SPATA17: variants seen among roughly 807,000 people sequenced by gnomAD.
The protein encoded by SPATA17 is spermatogenesis associated 17, also known as spermatogenesis-associated protein 17.
A neutral mutation model predicts 62.2 loss-of-function variants in SPATA17; 53 were observed. The ratio of observed to expected loss-of-function variants is 0.85; its 90% CI spans 0.68 to 1.07. The LOEUF (loss-of-function observed/expected upper bound fraction) is 1.07. Ranked by LOEUF, SPATA17 falls within the 50% of genes least tolerant of loss-of-function variation. The pLI is 0.00. For missense variants in SPATA17, 466 were observed against 425.5 expected, an observed-to-expected ratio of 1.10 and a Z score of -0.84; for synonymous variants, 146 against 146.8, an observed-to-expected ratio of 0.99 and a Z score of 0.04.
At chr1:217,706,989 C>A (rs1671752225) in intron 5 of SPATA17, among the ~76,000 whole-genome samples, 1 of 152,012 alleles carries the variant, frequency 6.6e-6, no homozygotes, top group African/African-American at 2.4e-5. Flanking sequence ...GCCTCAGACT[C>A]CCAAATAGCT....
chr1:217,711,360 G>T (rs1671858622), intron 5 of SPATA17, among the ~76,000 whole-genome samples: 1 of 152,062 alleles, frequency 6.6e-6, no homozygotes, highest in South Asian at 2.1e-4. Context: ...TCACGTACAA[G>T]TTTTTATGTT....
intron 6 of SPATA17, among the ~76,000 whole-genome samples, chr1:217,766,999 A>G (rs1445802562): frequency 6.6e-6 from 1 of 152,030 alleles, no homozygotes; most frequent in East Asian, 1.9e-4. Flanking sequence ...ACACTGTGAT[A>G]TTTCATTTTC....
intron 8 of SPATA17, among the ~76,000 whole-genome samples, chr1:217,798,300 C>T (rs532754487): frequency 7.2e-5 from 11 of 152,090 alleles, no homozygotes; most frequent in African/African-American, 2.6e-4. Flanking sequence ...ATTCATAAGA[C>T]CTTATTTGCT....
intron 9 of SPATA17, among the ~76,000 whole-genome samples, chr1:217,839,874 G>T (rs923887490): frequency 6.6e-6 from 1 of 151,986 alleles, no homozygotes; most frequent in African/African-American, 2.4e-5. Flanking sequence ...ATTTTATGAT[G>T]TCCACATTTT....
At chr1:217,839,661 G>A (rs898673243) in intron 9 of SPATA17, among the ~76,000 whole-genome samples, 2 of 151,218 alleles carry the variant, frequency 1.3e-5, no homozygotes, top group African/African-American at 4.9e-5. Context: ...TTGATACACT[G>A]TTTCAATCTT....
At chr1:217,717,106 G>A (rs192963067) in intron 5 of SPATA17, among the ~76,000 whole-genome samples, 3 of 152,208 alleles carry the variant, frequency 2.0e-5, no homozygotes, top group Admixed American at 6.5e-5. Context: ...TAAATAACTA[G>A]GCACACATTA....
At chr1:217,839,785 G>A (rs1011656748) in intron 9 of SPATA17, among the ~76,000 whole-genome samples, 2 of 151,788 alleles carry the variant, frequency 1.3e-5, no homozygotes, top group African/African-American at 4.8e-5. Context: ...TCCACTAAGA[G>A]TTTTTATGAA....
chr1:217,748,332 A>G (rs898647276), intron 6 of SPATA17, among the ~76,000 whole-genome samples: 1 of 151,728 alleles, frequency 6.6e-6, no homozygotes, highest in African/African-American at 2.4e-5. Context: ...AACTTGACAT[A>G]CCCATAATTA....
rs563816204 is a variant in SPATA17 at position 217,703,360 on chromosome 1, C to T, written c.395+19999C>T. Among the ~76,000 whole-genome samples the T allele has an allele frequency of 9.9e-5, 15 of 151,058 alleles. No individual in the cohort carries two copies. The South Asian group carries it at 1.1e-3, about 11-fold the overall frequency. Reference sequence around the variant, plus strand: ...CTAGCTTTTGTGTTTTTAGTAGAGACGGGGTTTCGCCATGTTGGTCAGGCT... The same window carrying T: ...CTAGCTTTTGTGTTTTTAGTAGAGATGGGGTTTCGCCATGTTGGTCAGGCT... On this transcript the variant is annotated intron_variant, in intron 5 of 10. Transcript: ENST00000366933.
chr1:217,696,348 G>A (rs1408658366), intron 5 of SPATA17, among the ~76,000 whole-genome samples: 1 of 152,094 alleles, frequency 6.6e-6, no homozygotes, highest in Non-Finnish European at 1.5e-5. Context: ...GCCCTGCTTC[G>A]GCTCGCGCAC....
chr1:217,824,775 A>T (rs151069453), intron 9 of SPATA17, among the ~76,000 whole-genome samples: 741 of 151,090 alleles, frequency 4.9e-3, no homozygotes, highest in Admixed American at 8.6e-3. Context: ...TTTCATACCT[A>T]TGTGATTGGT....
chr1:217,771,179 A>G (rs1673435762), intron 6 of SPATA17, among the ~76,000 whole-genome samples: 1 of 151,380 alleles, frequency 6.6e-6, no homozygotes, highest in South Asian at 2.1e-4. Context: ...TATTGAGTTG[A>G]ATGTTAGCAT....
chr1:217,820,465 T>A (rs1013755863), intron 9 of SPATA17, among the ~76,000 whole-genome samples: 1 of 151,904 alleles, frequency 6.6e-6, no homozygotes, highest in African/African-American at 2.4e-5. Flanking sequence ...ATGCAGATAA[T>A]GTTAAAACTT....
chr1:217,767,846 G>T (rs533949539), intron 6 of SPATA17, among the ~76,000 whole-genome samples: 1 of 152,266 alleles, frequency 6.6e-6, no homozygotes, highest in East Asian at 1.9e-4. Flanking sequence ...GACTCGTTCT[G>T]ATGCCTGATT....
chr1:217,850,372 C>T, intron 9 of SPATA17: 2 of 872,404 alleles, frequency 2.3e-6, no homozygotes, highest in Non-Finnish European at 1.8e-6. Flanking sequence ...AATGCCATCA[C>T]TGAGCACTGC....
chr1:217,655,353 C>T (rs2102886941), intron 3 of SPATA17, among the ~76,000 whole-genome samples: 1 of 152,228 alleles, frequency 6.6e-6, no homozygotes, highest in Middle Eastern at 3.4e-3. Context: ...AGCAGAAATA[C>T]ATCTCAATAC....
At chr1:217,866,751 C>T (rs967780589) in intron 10 of SPATA17, 5 of 151,794 alleles carry the variant, frequency 3.3e-5, no homozygotes, top group South Asian at 4.2e-4. Context: ...GATTCAAGTC[C>T]GGGGCTAGGA....
At chr1:217,823,507 T>G (rs573867531) in intron 9 of SPATA17, among the ~76,000 whole-genome samples, 1 of 151,976 alleles carries the variant, frequency 6.6e-6, no homozygotes, top group Non-Finnish European at 1.5e-5. Context: ...GACTCAGGAC[T>G]CTGTGGACAA....
chr1:217,718,854 CAAACAAACAAAACA>C (rs1179644463), intron 5 of SPATA17, among the ~76,000 whole-genome samples: 2 of 151,994 alleles, frequency 1.3e-5, no homozygotes, highest in Non-Finnish European at 2.9e-5. Context: ...AACAAACAAA[CAAACAAACAAAACA>C]AAACAAACAA....
Sources: gnomAD v4.1 joint callset for allele counts (sites outside exome capture counted in the v4.1 genomes callset) on GRCh38, gnomAD v4.1.1 for gene constraint, MANE v1.5 for transcripts, NCBI Gene and HGNC (gene_info 2026-07-23, HGNC 2026-07-21) for gene names.